MCTP1: variants seen among roughly 807,000 people sequenced by gnomAD.
MCTP1 encodes multiple C2 and transmembrane domain containing 1.
MCTP1 carries 69 observed loss-of-function variants against 120.6 expected under a neutral mutation model. That is an observed-to-expected ratio of 0.57 (90% confidence interval 0.47 to 0.70). The LOEUF (loss-of-function observed/expected upper bound fraction) is 0.70. MCTP1 is among the 30% of genes least tolerant of loss of function. The probability of loss-of-function intolerance (pLI) is 0.00; values close to 1 mark genes in which losing one functional copy is unlikely to be tolerated. For synonymous variants in MCTP1, 529 were observed against 493.1 expected (o/e 1.07, Z -0.96); for missense variants, 1,203 against 1,248.8 (o/e 0.96, Z 0.55).
At chr5:94,876,770 G>C (rs1798961303) in intron 12 of MCTP1, among the ~76,000 whole-genome samples, 1 of 151,952 alleles carries the variant, frequency 6.6e-6, no homozygotes. Context: ...GGGATTGATT[G>C]CTTTAACCAC....
At chr5:95,041,311 G>GAAAAAAAAAAAAAAAAAAAAAAAAA (rs58379749) in intron 1 of MCTP1, among the ~76,000 whole-genome samples, 5 of 89,798 alleles carry the variant, frequency 5.6e-5, no homozygotes, top group South Asian at 3.4e-4. Context: ...CCCATGCTCT[G>GAAAAAAAAAAAAAAAAAAAAAAAAA]AAAAAAAAAA....
intron 2 of MCTP1, among the ~76,000 whole-genome samples, chr5:95,005,604 G>A (rs1290540008): frequency 6.6e-6 from 1 of 152,024 alleles, no homozygotes; most frequent in Non-Finnish European, 1.5e-5. Flanking sequence ...GTTTGAAAGG[G>A]TGTGGCACTT....
At chr5:95,054,229 A>T (rs1298403523) in intron 1 of MCTP1, among the ~76,000 whole-genome samples, 3 of 152,250 alleles carry the variant, frequency 2.0e-5, no homozygotes, top group African/African-American at 7.2e-5. Context: ...TTACCCGGTT[A>T]CTGTAGTAGT....
intron 17 of MCTP1, among the ~76,000 whole-genome samples, chr5:94,863,112 G>C (rs1796129620): frequency 6.6e-6 from 1 of 151,810 alleles, no homozygotes; most frequent in Non-Finnish European, 1.5e-5. Context: ...AGGTGTGTAT[G>C]TCAGAGGAAA....
chr5:94,770,177 T>C (rs761794247), intron 19 of MCTP1, among the ~76,000 whole-genome samples: 1 of 152,166 alleles, frequency 6.6e-6, no homozygotes, highest in Non-Finnish European at 1.5e-5. Context: ...TCTGCTGCTT[T>C]GGTGAAGAAA....
intron 1 of MCTP1, among the ~76,000 whole-genome samples, chr5:95,256,220 G>A (rs1451681734): frequency 1.3e-5 from 2 of 152,172 alleles, no homozygotes; most frequent in Non-Finnish European, 2.9e-5. Flanking sequence ...AAAAGAATAA[G>A]GAAGGAAAAT....
chr5:94,735,584 T>A (rs1169263552), intron 19 of MCTP1, among the ~76,000 whole-genome samples: 3 of 152,160 alleles, frequency 2.0e-5, no homozygotes, highest in East Asian at 3.9e-4. Flanking sequence ...GCCTACATTA[T>A]GTTTCAGATT....
At chr5:94,890,505 CATAAGTAAAAG>C (rs1802343135) in intron 11 of MCTP1, among the ~76,000 whole-genome samples, 1 of 152,052 alleles carries the variant, frequency 6.6e-6, no homozygotes, top group Non-Finnish European at 1.5e-5. Flanking sequence ...TGTAGTTCTA[CATAAGTAAAAG>C]ACATACACAA....
intron 1 of MCTP1, among the ~76,000 whole-genome samples, chr5:95,269,469 G>A (rs912290747): frequency 3.9e-5 from 6 of 152,156 alleles, no homozygotes; most frequent in African/African-American, 1.4e-4. Context: ...TCACTTATGA[G>A]GTCTCAAAAC....
intron 1 of MCTP1, among the ~76,000 whole-genome samples, chr5:95,258,882 A>G (rs937454497): frequency 6.6e-6 from 1 of 152,224 alleles, no homozygotes; most frequent in Non-Finnish European, 1.5e-5. Flanking sequence ...CAGGTAGCTT[A>G]AATCCTGGAG....
At chr5:94,998,163 A>G (rs1705342012) in intron 2 of MCTP1, among the ~76,000 whole-genome samples, 1 of 152,144 alleles carries the variant, frequency 6.6e-6, no homozygotes, top group South Asian at 2.1e-4. Flanking sequence ...TTGACTTTGG[A>G]TATTTTATGA....
chr5:94,862,196 G>A (rs1209331591), intron 17 of MCTP1, among the ~76,000 whole-genome samples: 4 of 151,816 alleles, frequency 2.6e-5, no homozygotes, highest in Non-Finnish European at 2.9e-5. Flanking sequence ...GGACAAAGGC[G>A]GAAGAGCAGC....
intron 1 of MCTP1, among the ~76,000 whole-genome samples, chr5:95,265,654 C>T (rs981196203): frequency 6.6e-6 from 1 of 152,106 alleles, no homozygotes. Flanking sequence ...GGTCATTAAG[C>T]CTCTGTATTT....
intron 2 of MCTP1, among the ~76,000 whole-genome samples, chr5:95,014,427 G>C (rs1476158429): frequency 6.6e-6 from 1 of 152,106 alleles, no homozygotes; most frequent in Non-Finnish European, 1.5e-5. Context: ...AAAATACCAA[G>C]AGAACTACAA....
chr5:94,979,865 T>A (rs1451567187), intron 2 of MCTP1, among the ~76,000 whole-genome samples: 3 of 152,154 alleles, frequency 2.0e-5, no homozygotes, highest in Non-Finnish European at 4.4e-5. Context: ...GGTTTATCTG[T>A]TTAGTTATAT....
chr5:95,272,923 T>G (rs1759522959), intron 1 of MCTP1, among the ~76,000 whole-genome samples: 1 of 152,238 alleles, frequency 6.6e-6, no homozygotes, highest in Non-Finnish European at 1.5e-5. Context: ...CAGACAGGAC[T>G]GGGCAAAGTC....
At chr5:95,238,171 C>T (rs1755763114) in intron 1 of MCTP1, among the ~76,000 whole-genome samples, 1 of 152,112 alleles carries the variant, frequency 6.6e-6, no homozygotes, top group African/African-American at 2.4e-5. Context: ...GTTCCCATGC[C>T]GGTCTCCTTG....
chr5:95,252,148 G>T (rs956012852), intron 1 of MCTP1, among the ~76,000 whole-genome samples: 3 of 152,194 alleles, frequency 2.0e-5, no homozygotes, highest in Non-Finnish European at 4.4e-5. Flanking sequence ...CTCAAGGAAG[G>T]GGACTTGACA....
At chr5:95,051,046 A>C (rs570599080) in intron 1 of MCTP1, among the ~76,000 whole-genome samples, 1 of 152,254 alleles carries the variant, frequency 6.6e-6, no homozygotes, top group South Asian at 2.1e-4. Flanking sequence ...ATAGCCCTGC[A>C]GACACTTTGA....
Sources: allele counts gnomAD v4.1 joint callset (sites outside exome capture counted in the v4.1 genomes callset), GRCh38; gene constraint gnomAD v4.1.1; transcripts MANE v1.5; gene names NCBI Gene and HGNC (gene_info 2026-07-23, HGNC 2026-07-21).